NREP: variants seen among roughly 807,000 people sequenced by gnomAD.
NREP encodes neuronal regeneration related protein.
Under a neutral mutation model 8.6 loss-of-function variants are expected in NREP, and 5 were observed. The ratio of observed to expected loss-of-function variants is 0.58; its 90% CI spans 0.30 to 1.22. NREP has a LOEUF of 1.22. Ranked by LOEUF, NREP falls within the 50% of genes most tolerant of loss-of-function variation. The probability of loss-of-function intolerance (pLI) is 0.07; values close to 1 mark genes in which losing one functional copy is unlikely to be tolerated. For missense variants in NREP, 86 were observed against 82.5 expected, an observed-to-expected ratio of 1.04 and a Z score of -0.17; for synonymous variants, 27 against 28.0, an observed-to-expected ratio of 0.96 and a Z score of 0.11.
intron 2 of NREP, among the ~76,000 whole-genome samples, chr5:111,943,059 C>G (rs944417267): frequency 6.6e-6 from 1 of 151,994 alleles, no homozygotes; most frequent in Non-Finnish European, 1.5e-5. Flanking sequence ...CATCTCATCA[C>G]TGCTGTCTCC....
intron 2 of NREP, among the ~76,000 whole-genome samples, chr5:111,836,658 A>T (rs1752902282): frequency 6.6e-6 from 1 of 151,974 alleles, no homozygotes; most frequent in South Asian, 2.1e-4. Flanking sequence ...CAGAGAAGGG[A>T]GAGAGAGCAT....
intron 2 of NREP, among the ~76,000 whole-genome samples, chr5:111,892,099 A>C (rs1422714288): frequency 6.6e-6 from 1 of 152,242 alleles, no homozygotes; most frequent in Non-Finnish European, 1.5e-5. Flanking sequence ...AAAGGAATGA[A>C]AAAACACACT....
At position 111,851,873 on chromosome 5, in the gene NREP, A is replaced by AT. The variant is rs914299126; in HGVS notation, c.136-116367dup. 5.5e-4 allele frequency among the ~76,000 whole-genome samples: 84 copies of AT among 152,302 alleles called. 1 individual carries two copies. The highest frequency in any genetic ancestry group is 2.0e-3 in the African/African-American group (82 of 41,574). On this transcript the variant is annotated intron_variant, in intron 2 of 3. Transcript: ENST00000395634. The stretch of plus-strand genomic sequence containing the variant: ...TGTATTTCAAAACACCATGTTGTAC[A>AT]TGATAAGTATAAACACTTTTGTCAA...
intron 2 of NREP, among the ~76,000 whole-genome samples, chr5:111,797,043 C>T (rs376705394): frequency 3.1e-4 from 47 of 150,990 alleles, no homozygotes; most frequent in Non-Finnish European, 5.0e-4. Flanking sequence ...GACAAGAAAA[C>T]GCAAGCGCAG....
At chr5:111,735,074 A>C (rs916250548) in intron 3 of NREP, 19 of 325,804 alleles carry the variant, frequency 5.8e-5, no homozygotes, top group Non-Finnish European at 1.0e-4. Context: ...AGACTTCATT[A>C]GCAGACAATT....
chr5:111,926,342 G>C (rs1755383399), intron 2 of NREP, among the ~76,000 whole-genome samples: 1 of 152,026 alleles, frequency 6.6e-6, no homozygotes, highest in African/African-American at 2.4e-5. Flanking sequence ...CCAGAAATTT[G>C]TTTTCTTAGC....
intron 2 of NREP, among the ~76,000 whole-genome samples, chr5:111,840,398 T>A (rs961129531): frequency 6.6e-6 from 1 of 152,096 alleles, no homozygotes; most frequent in Non-Finnish European, 1.5e-5. Flanking sequence ...ACAGCTACCA[T>A]AGCCATTATG....
intron 2 of NREP, among the ~76,000 whole-genome samples, chr5:111,803,095 T>A (rs944011113): frequency 6.6e-6 from 1 of 152,192 alleles, no homozygotes; most frequent in Admixed American, 6.5e-5. Context: ...TTTAATATAA[T>A]GTTGGAGCAG....
intron 2 of NREP, chr5:111,738,476 T>C (rs528582606): frequency 6.6e-6 from 1 of 152,350 alleles, no homozygotes; most frequent in East Asian, 1.9e-4. Context: ...TGTTCTAGTC[T>C]ACTCGCCAGG....
intron 2 of NREP, among the ~76,000 whole-genome samples, chr5:111,917,109 G>T (rs1003618415): frequency 6.6e-6 from 1 of 152,026 alleles, no homozygotes; most frequent in Non-Finnish European, 1.5e-5. Flanking sequence ...CTTAGGGTGG[G>T]CTTCCCGCAT....
chr5:111,812,748 T>C (rs1383357864), intron 2 of NREP, among the ~76,000 whole-genome samples: 1 of 152,152 alleles, frequency 6.6e-6, no homozygotes. Flanking sequence ...AGTCCTAATA[T>C]AGTAATTACA....
chr5:111,957,718 C>A (rs190665836), intron 2 of NREP, among the ~76,000 whole-genome samples: 2 of 151,672 alleles, frequency 1.3e-5, no homozygotes, highest in East Asian at 1.9e-4. Flanking sequence ...CACACACACA[C>A]ACATATATAT....
intron 2 of NREP, among the ~76,000 whole-genome samples, chr5:111,825,619 T>C (rs796125443): frequency 3.3e-5 from 5 of 152,300 alleles, no homozygotes; most frequent in African/African-American, 1.2e-4. Context: ...AAATCAGATG[T>C]GGATACTGCG....
chr5:111,738,957 C>A (rs955458767), intron 2 of NREP: 3 of 152,172 alleles, frequency 2.0e-5, no homozygotes, highest in Non-Finnish European at 4.4e-5. Context: ...ATCTACAAGC[C>A]CAGAAGGGAG....
chr5:111,872,936 T>C (rs1239701135), intron 2 of NREP, among the ~76,000 whole-genome samples: 2 of 152,154 alleles, frequency 1.3e-5, no homozygotes, highest in African/African-American at 4.8e-5. Context: ...TTTCACAGGC[T>C]GGGGAACCAT....
chr5:111,802,711 A>G (rs1203676206), intron 2 of NREP, among the ~76,000 whole-genome samples: 1 of 152,256 alleles, frequency 6.6e-6, no homozygotes, highest in Non-Finnish European at 1.5e-5. Flanking sequence ...ATTATTTAAA[A>G]CATAATGTAT....
rs1752939746 is a variant in NREP, at chr5:111,838,093, A to T, written c.136-102586T>A. On this transcript the variant is annotated intron_variant, in intron 2 of 3. Coordinates refer to the NREP transcript ENST00000395634. Reference sequence around the variant, plus strand: ...TATTTTAAATTTTTCTAGTAGCCACATTTAAAAAGTAAAATGAAAAAACAA... The same window carrying T: ...TATTTTAAATTTTTCTAGTAGCCACTTTTAAAAAGTAAAATGAAAAAACAA... Among the ~76,000 whole-genome samples, 3 of 152,150 alleles carry T rather than the reference A, an allele frequency of 2.0e-5. No homozygotes were observed. The East Asian group carries it at 5.8e-4, about 29-fold the overall frequency.
chr5:111,801,657 G>C (rs1002734230), intron 2 of NREP, among the ~76,000 whole-genome samples: 11 of 152,140 alleles, frequency 7.2e-5, no homozygotes, highest in African/African-American at 2.2e-4. Context: ...ACAAGTATGA[G>C]CTACACAGTA....
At chr5:111,768,691 T>C (rs1431835992) in intron 2 of NREP, among the ~76,000 whole-genome samples, 1 of 152,236 alleles carries the variant, frequency 6.6e-6, no homozygotes, top group African/African-American at 2.4e-5. Context: ...GCAAAGGACA[T>C]GATTTCATTT....
Sources: gnomAD v4.1 joint callset for allele counts (sites outside exome capture counted in the v4.1 genomes callset) on GRCh38, gnomAD v4.1.1 for gene constraint, MANE v1.5 for transcripts, NCBI Gene and HGNC (gene_info 2026-07-23, HGNC 2026-07-21) for gene names.